Variants in EFNA5 observed in about 807,000 individuals in gnomAD.
The protein encoded by EFNA5 is ephrin A5.
A neutral mutation model predicts 22.9 loss-of-function variants in EFNA5; 5 were observed. That is an observed-to-expected ratio of 0.22 (90% CI 0.11 to 0.46). The LOEUF (loss-of-function observed/expected upper bound fraction) is 0.46, where lower values mean the gene tolerates loss of function less well. Among genes scored for constraint, EFNA5 ranks in the 20% least tolerant of loss-of-function variants. The pLI is 0.99. For missense variants in EFNA5, 237 were observed against 293.3 expected, an observed-to-expected ratio of 0.81 and a Z score of 1.40; for synonymous variants, 113 against 112.2, an observed-to-expected ratio of 1.01 and a Z score of -0.04.
intron 1 of EFNA5, among the ~76,000 whole-genome samples, chr5:107,536,385 G>C (rs1747929464): frequency 1.3e-5 from 2 of 152,082 alleles, no homozygotes; most frequent in African/African-American, 4.8e-5. Flanking sequence ...CATATAACTA[G>C]GGCAGAAAAT....
chr5:107,432,738 G>A (rs1748996819), intron 1 of EFNA5, among the ~76,000 whole-genome samples: 1 of 152,080 alleles, frequency 6.6e-6, no homozygotes, highest in African/African-American at 2.4e-5. Flanking sequence ...TCCCCAGAAG[G>A]CTGCATGGCC....
At chr5:107,494,136 C>T (rs1194872120) in intron 1 of EFNA5, among the ~76,000 whole-genome samples, 1 of 152,236 alleles carries the variant, frequency 6.6e-6, no homozygotes, top group East Asian at 1.9e-4. Flanking sequence ...GCCTGGGCTC[C>T]CACTTTGGCG....
At chr5:107,660,820 T>C (rs1328539548) in intron 1 of EFNA5, among the ~76,000 whole-genome samples, 3 of 152,176 alleles carry the variant, frequency 2.0e-5, no homozygotes, top group African/African-American at 4.8e-5. Context: ...CGTTTCCCCA[T>C]TATTTTCTCT....
intron 1 of EFNA5, among the ~76,000 whole-genome samples, chr5:107,594,420 G>A (rs2112506966): frequency 6.6e-6 from 1 of 152,266 alleles, no homozygotes; most frequent in African/African-American, 2.4e-5. Context: ...CAGGGGGCAG[G>A]AGGAGAGGAA....
chr5:107,427,094 G>T, intron 2 of EFNA5, 123 bp downstream of exon 2: 1 of 1,006,604 alleles, frequency 9.9e-7, no homozygotes, highest in Non-Finnish European at 1.5e-6. Context: ...CCTGATGTAC[G>T]CATTTACAAG....
At chr5:107,446,670 C>A (rs1490275958) in intron 1 of EFNA5, among the ~76,000 whole-genome samples, 1 of 152,152 alleles carries the variant, frequency 6.6e-6, no homozygotes, top group Admixed American at 6.6e-5. Context: ...AGGAGAATCG[C>A]TTGAACCCAG....
At chr5:107,402,374 C>A (rs1748109383) in intron 2 of EFNA5, among the ~76,000 whole-genome samples, 1 of 152,156 alleles carries the variant, frequency 6.6e-6, no homozygotes, top group Non-Finnish European at 1.5e-5. Context: ...CAAAATCATG[C>A]AGGTAAATAT....
At chr5:107,401,375 G>T (rs1748080035) in intron 2 of EFNA5, among the ~76,000 whole-genome samples, 1 of 152,134 alleles carries the variant, frequency 6.6e-6, no homozygotes, top group Non-Finnish European at 1.5e-5. Flanking sequence ...ATTGAAATTG[G>T]CTTTGAAGTT....
chr5:107,550,725 G>C (rs1748276046), intron 1 of EFNA5, among the ~76,000 whole-genome samples: 1 of 152,110 alleles, frequency 6.6e-6, no homozygotes, highest in Non-Finnish European at 1.5e-5. Flanking sequence ...ATAGAGACTT[G>C]TCTCAGCTGA....
intron 1 of EFNA5, among the ~76,000 whole-genome samples, chr5:107,549,820 G>T (rs977252722): frequency 1.3e-5 from 2 of 152,244 alleles, no homozygotes; most frequent in African/African-American, 2.4e-5. Flanking sequence ...CATGAGGAAT[G>T]AGCAGCCACC....
rs1561448061 is a variant in EFNA5, at chr5:107,608,166, C to T, written c.125+62323G>A. ...CTTATCATACAGAAATGTGTAACTT[C>T]CCCTGAAGCAAAGGCTTCAAAAGCT... is the stretch of plus-strand genomic sequence containing the variant. On this transcript the variant is annotated intron_variant, in intron 1 of 4. Coordinates refer to ENST00000333274, the MANE Select transcript of EFNA5 (RefSeq NM_001962.3). Among the ~76,000 whole-genome samples, 3 of 152,282 alleles carry T rather than the reference C, an allele frequency of 2.0e-5. 1 individual carries two copies. Among genetic ancestry groups the T allele is most frequent in the Admixed American group, 2.0e-4 (3 of 15,292 alleles).
chr5:107,596,880 T>C (rs778556004), intron 1 of EFNA5, among the ~76,000 whole-genome samples: 73 of 152,100 alleles, frequency 4.8e-4, no homozygotes, highest in Non-Finnish European at 9.3e-4. Flanking sequence ...TGAAATCTCA[T>C]TGGCACTTCA....
At position 107,608,487 on chromosome 5, in the gene EFNA5, T is replaced by C. The variant is rs115382312; in HGVS notation, c.125+62002A>G. On this transcript the variant is annotated intron_variant, in intron 1 of 4. Coordinates refer to ENST00000333274, the MANE Select transcript of EFNA5 (RefSeq NM_001962.3). ...AGACACTTTCAAATGTTATGTCCCA[T>C]GTAGACAGATCTTTCTGCCTGCCTA... 9.1e-3 allele frequency among the ~76,000 whole-genome samples: 1,392 copies of C among 152,368 alleles called. 27 individuals carry two copies. Among genetic ancestry groups the C allele is most frequent in the African/African-American group, 0.032 (1,313 of 41,588 alleles).
intron 1 of EFNA5, among the ~76,000 whole-genome samples, chr5:107,441,332 A>G (rs1271613098): frequency 6.6e-6 from 1 of 152,202 alleles, no homozygotes; most frequent in African/African-American, 2.4e-5. Context: ...CCAGGCTAAT[A>G]TAAAGAGTAT....
At position 107,381,192 on chromosome 5, in the gene EFNA5, G is replaced by A. The variant is rs1490659415; in HGVS notation, c.*63C>T. 4 of 1,549,638 alleles carry A rather than the reference G, an allele frequency of 2.6e-6. No homozygotes were observed. The highest frequency in any genetic ancestry group is 3.5e-6 in the Non-Finnish European group (4 of 1,135,930). ...AGTCCCTTCTTAGGATGAGCAGTTAGGTGGATCTCTGGTGTTCCAAGACCC... is the reference window on the plus strand; with the variant it reads ...AGTCCCTTCTTAGGATGAGCAGTTAAGTGGATCTCTGGTGTTCCAAGACCC... On this transcript the variant is annotated 3_prime_UTR_variant, in exon 5 of 5. Coordinates refer to ENST00000333274, the MANE Select transcript of EFNA5 (RefSeq NM_001962.3).
chr5:107,647,153 T>A (rs1214694341), intron 1 of EFNA5, among the ~76,000 whole-genome samples: 1 of 152,170 alleles, frequency 6.6e-6, no homozygotes, highest in African/African-American at 2.4e-5. Context: ...AGTATATGTA[T>A]GTATTTAAGT....
At chr5:107,665,992 T>C (rs1373628483) in intron 1 of EFNA5, among the ~76,000 whole-genome samples, 1 of 152,204 alleles carries the variant, frequency 6.6e-6, no homozygotes, top group Non-Finnish European at 1.5e-5. Context: ...TGTGATACGT[T>C]ACACTGAGGC....
Position 107,654,511 on chromosome 5 carries a change from T to C in EFNA5, c.125+15978A>G, listed in dbSNP as rs181543093. Among the ~76,000 whole-genome samples, 13 of 152,284 alleles carry C rather than the reference T, an allele frequency of 8.5e-5. No individual in the cohort carries two copies. In the East Asian group the frequency reaches 2.3e-3, roughly 27 times the overall value. ...ACCAACTATAATACTCATTATTCCA[T>C]TCAAATCATTAAGTAGACTTTGTTC... On this transcript the variant is annotated intron_variant, in intron 1 of 4. Coordinates refer to ENST00000333274, the MANE Select transcript of EFNA5 (RefSeq NM_001962.3).
intron 1 of EFNA5, among the ~76,000 whole-genome samples, chr5:107,578,185 T>C (rs1053926611): frequency 5.3e-5 from 8 of 152,330 alleles, no homozygotes; most frequent in Admixed American, 5.2e-4. Flanking sequence ...GCTTAGGTGC[T>C]GAGAAGATGC....
Sources: allele counts gnomAD v4.1 joint callset (sites outside exome capture counted in the v4.1 genomes callset), GRCh38; gene constraint gnomAD v4.1.1; transcripts MANE v1.5; gene names NCBI Gene and HGNC (gene_info 2026-07-23, HGNC 2026-07-21).